Variants in OSBPL10 observed in about 807,000 individuals in gnomAD.
OSBPL10 encodes oxysterol binding protein like 10.
A neutral mutation model predicts 81.7 loss-of-function variants in OSBPL10; 49 were observed. That is an observed-to-expected ratio of 0.60 (90% CI 0.48 to 0.76). The LOEUF (loss-of-function observed/expected upper bound fraction) is 0.76. Ranked by LOEUF, OSBPL10 falls within the 30% of genes least tolerant of loss-of-function variation. The pLI is 0.00. For missense variants in OSBPL10, 923 were observed against 987.8 expected, an observed-to-expected ratio of 0.93 and a Z score of 0.88; for synonymous variants, 419 against 383.6, an observed-to-expected ratio of 1.09 and a Z score of -1.08.
rs1021065392 is a variant in OSBPL10 at position 31,876,494 on chromosome 3, T to G, written c.476A>C (p.Lys159Thr). The change falls in exon 3 of 12, where the codon AAA (lysine) becomes ACA (threonine). Residue 159 changes from lysine (K) to threonine (T), a missense_variant. Physicochemically the swap from Lys to Thr is moderately conservative, Grantham distance 78. Around this residue, in one of 3 missense-constraint regions of OSBPL10, gnomAD observed 514 missense variants for 508.0 expected, o/e 1.01. Coordinates refer to ENST00000396556, the MANE Select transcript of OSBPL10 (RefSeq NM_017784.5). ...FKLRAADAKE[K>T]QFWVTQLRAC... ...TCGAAGCTGAGTCACCCAGAATTGT[T>G]TCTCTTTTGCATCAGCAGCTAAAAT... 6.2e-7 allele frequency: 1 copy of G among 1,613,424 alleles called. No homozygotes were observed. Among genetic ancestry groups the G allele is most frequent in the African/African-American group, 1.3e-5 (1 of 75,030 alleles).
At chr3:32,041,377 T>C (rs575334099) in intron 2 of OSBPL10, among the ~76,000 whole-genome samples, 2 of 152,366 alleles carry the variant, frequency 1.3e-5, no homozygotes, top group East Asian at 1.9e-4. Flanking sequence ...GGTTCCAGTC[T>C]ACATTTCCAA....
At chr3:31,907,946 TG>T (rs930101876) in intron 1 of OSBPL10, among the ~76,000 whole-genome samples, 3 of 151,914 alleles carry the variant, frequency 2.0e-5, no homozygotes, top group Admixed American at 2.0e-4. Context: ...CAGGCTACAG[TG>T]TTGGAGGCTG....
At chr3:31,720,655 T>C (rs1696611138) in intron 6 of OSBPL10, among the ~76,000 whole-genome samples, 1 of 152,002 alleles carries the variant, frequency 6.6e-6, no homozygotes, top group South Asian at 2.1e-4. Flanking sequence ...TCTTAGCACT[T>C]TGGGAGGCCA....
At chr3:31,695,045 G>A (rs529439473) in intron 7 of OSBPL10, among the ~76,000 whole-genome samples, 5 of 152,190 alleles carry the variant, frequency 3.3e-5, no homozygotes, top group Non-Finnish European at 7.4e-5. Flanking sequence ...CAAGCCACCC[G>A]GCCTCAAAGC....
At chr3:31,897,851 T>C (rs1254792527) in intron 1 of OSBPL10, among the ~76,000 whole-genome samples, 2 of 151,022 alleles carry the variant, frequency 1.3e-5, no homozygotes, top group Non-Finnish European at 1.5e-5. Context: ...CTACTAAAAA[T>C]ACAAAAATTA....
intron 4 of OSBPL10, among the ~76,000 whole-genome samples, chr3:31,766,651 C>T (rs1698209982): frequency 1.3e-5 from 2 of 152,092 alleles, no homozygotes; most frequent in African/African-American, 4.8e-5. Context: ...GTGTAGAATT[C>T]TGACATTCAT....
intron 2 of OSBPL10, among the ~76,000 whole-genome samples, chr3:32,026,293 T>G (rs1200842650): frequency 6.6e-6 from 1 of 152,068 alleles, no homozygotes; most frequent in Non-Finnish European, 1.5e-5. Context: ...TGAGCCACCA[T>G]GCCCAGCTAA....
At chr3:31,755,723 C>A (rs970544578) in intron 4 of OSBPL10, among the ~76,000 whole-genome samples, 1 of 152,186 alleles carries the variant, frequency 6.6e-6, no homozygotes. Flanking sequence ...ACATCCAAAG[C>A]TTTTTCTGGT....
Position 31,830,090 on chromosome 3 carries a change from C to T in OSBPL10, c.679G>A (p.Ala227Thr), listed in dbSNP as rs751308846. Residue 227 changes from alanine to threonine, a missense_variant, in exon 4 of 12, where the codon GCC becomes ACC. This residue lies in a region of OSBPL10 where 514 missense variants were observed against 508.0 expected (regional missense o/e 1.01). Transcript: ENST00000396556. Reference sequence around the variant, plus strand: ...GAATACTGACTCTTGGCTCTTCGGGCGGCTGCAGGCGACTTGTGATGCGTG... The same window carrying T: ...GAATACTGACTCTTGGCTCTTCGGGTGGCTGCAGGCGACTTGTGATGCGTG... The part of the protein sequence containing the change: ...TITHHKSPAA[A>T]RRAKSQYSGQ... 36 of 1,613,998 alleles carry T rather than the reference C, an allele frequency of 2.2e-5. No individual in the cohort carries two copies. The East Asian group carries it at 3.6e-4, about 16-fold the overall frequency.
intron 6 of OSBPL10, chr3:31,721,387 C>T (rs1696639992): frequency 6.6e-6 from 1 of 152,238 alleles, no homozygotes. Context: ...TTTCTGTATA[C>T]ACAGACTTCC....
intron 4 of OSBPL10, among the ~76,000 whole-genome samples, chr3:31,819,716 C>A (rs567616904): frequency 6.6e-6 from 1 of 152,216 alleles, no homozygotes; most frequent in Non-Finnish European, 1.5e-5. Context: ...ACTTCACACG[C>A]GTGTGACTTC....
intron 3 of OSBPL10, among the ~76,000 whole-genome samples, chr3:31,854,701 C>A (rs1282985837): frequency 7.9e-5 from 12 of 152,178 alleles, no homozygotes; most frequent in Non-Finnish European, 1.8e-4. Flanking sequence ...CATTTTACCC[C>A]ATTTGTTTTA....
At chr3:31,713,404 T>C (rs918728923) in intron 6 of OSBPL10, among the ~76,000 whole-genome samples, 1 of 152,096 alleles carries the variant, frequency 6.6e-6, no homozygotes, top group African/African-American at 2.4e-5. Flanking sequence ...TATTTATTTA[T>C]ATTTTATTTT....
At chr3:31,924,234 G>GA (rs1188504934) in intron 1 of OSBPL10, among the ~76,000 whole-genome samples, 2 of 142,404 alleles carry the variant, frequency 1.4e-5, no homozygotes, top group African/African-American at 5.3e-5. Context: ...AAAAAAGAAA[G>GA]AAAGAAAAGA....
chr3:31,744,366 T>C (rs1456139086), intron 5 of OSBPL10, among the ~76,000 whole-genome samples: 1 of 151,498 alleles, frequency 6.6e-6, no homozygotes, highest in African/African-American at 2.4e-5. Context: ...CATGGAGAAA[T>C]CCGGTCCTTA....
intron 2 of OSBPL10, chr3:32,030,773 C>A (rs1009114516): frequency 6.5e-6 from 4 of 611,298 alleles, no homozygotes; most frequent in Non-Finnish European, 8.7e-6. Context: ...ATAAAATATT[C>A]TCTGTTTGGA....
At chr3:31,679,337 A>G (rs914135752) in intron 8 of OSBPL10, among the ~76,000 whole-genome samples, 3 of 152,102 alleles carry the variant, frequency 2.0e-5, no homozygotes, top group African/African-American at 7.2e-5. Context: ...CTTCACGCAC[A>G]TGTCTTGTCT....
intron 3 of OSBPL10, among the ~76,000 whole-genome samples, chr3:31,872,889 G>A (rs934108380): frequency 6.6e-6 from 1 of 152,132 alleles, no homozygotes; most frequent in African/African-American, 2.4e-5. Flanking sequence ...CTCCCAAAGT[G>A]CTGGGATTAC....
chr3:31,683,764 T>C lies in OSBPL10; in HGVS notation c.1596A>G (p.Gln532=). 1 of 1,614,192 alleles carries C rather than the reference T, an allele frequency of 6.2e-7. No homozygotes were observed. Among genetic ancestry groups the C allele is most frequent in the Non-Finnish European group, 8.5e-7 (1 of 1,180,046 alleles). Residue 532 remains glutamine, a synonymous_variant, in exon 8 of 12, where the codon CAA becomes CAG. Coordinates refer to ENST00000396556, the MANE Select transcript of OSBPL10 (RefSeq NM_017784.5). ...KSYKLRFVAE[Q]VSHHPPISCF... ...AGGAGATGGGTGGGTGATGGGACAC[T>C]TGCTCAGCCACAAACCTTAGTTTGT...
Sources: allele counts gnomAD v4.1 joint callset (sites outside exome capture counted in the v4.1 genomes callset), GRCh38; gene constraint gnomAD v4.1.1; regional missense constraint gnomAD v4.1.1; transcripts MANE v1.5; gene names NCBI Gene and HGNC (gene_info 2026-07-23, HGNC 2026-07-21).